Variants in STPG1 observed in about 807,000 individuals in gnomAD.
STPG1 encodes O(6)-methylguanine-induced apoptosis 2.
STPG1 carries 33 observed loss-of-function variants against 40.1 expected under a neutral mutation model. That is an observed-to-expected ratio of 0.82 (90% CI 0.62 to 1.10). The LOEUF is 1.10. Among genes scored for constraint, STPG1 ranks in the 50% least tolerant of loss-of-function variants. The pLI, the probability that STPG1 is intolerant of heterozygous loss-of-function variation, is 0.00. For missense variants in STPG1, 396 were observed against 415.1 expected, an observed-to-expected ratio of 0.95 and a Z score of 0.40; for synonymous variants, 150 against 155.0, an observed-to-expected ratio of 0.97 and a Z score of 0.24.
chr1:24,360,685 C>T (rs1441937880), intron 8 of STPG1, among the ~76,000 whole-genome samples, 166 bp downstream of exon 8: 1 of 152,210 alleles, frequency 6.6e-6, no homozygotes, highest in East Asian at 1.9e-4. Context: ...AAAAACAAAA[C>T]ATTTTTGTAC....
In STPG1 at chr1:24,358,528, C is replaced by T; in HGVS notation, c.*15G>A. On this transcript the variant is annotated 3_prime_UTR_variant, in exon 9 of 9. Transcript: ENST00000337248. ...GGCTGGTGGCTGGAGTTCTCCTTGA[C>T]CTTGTGTGACATCCCTACAGAACCG... 3 of 1,608,836 alleles carry T rather than the reference C, an allele frequency of 1.9e-6. No individual in the cohort carries two copies. The South Asian group carries it at 3.3e-5, about 18-fold the overall frequency.
chr1:24,379,111 C>T (rs563539384), intron 5 of STPG1, among the ~76,000 whole-genome samples: 1 of 152,264 alleles, frequency 6.6e-6, no homozygotes, highest in South Asian at 2.1e-4. Flanking sequence ...AGGGACTTGC[C>T]GAAGGCCGCA....
chr1:24,369,399 C>T (rs1025002283), intron 7 of STPG1: 31 of 579,452 alleles, frequency 5.3e-5, no homozygotes, highest in Admixed American at 8.7e-5. Flanking sequence ...CGAAGCCTTG[C>T]TTCCTCCTCT....
intron 3 of STPG1, among the ~76,000 whole-genome samples, chr1:24,387,830 T>C (rs1192881315): frequency 1.3e-5 from 2 of 152,172 alleles, no homozygotes; most frequent in Non-Finnish European, 2.9e-5. Context: ...GTGGGTCAGA[T>C]ATGCAGCTGA....
At chr1:24,376,561 G>T (rs552841950) in intron 5 of STPG1, among the ~76,000 whole-genome samples, 3 of 152,196 alleles carry the variant, frequency 2.0e-5, no homozygotes, top group African/African-American at 7.2e-5. Flanking sequence ...CATACTACTG[G>T]AAAGTTATTC....
At position 24,357,917 on chromosome 1, in the gene STPG1, C is replaced by T. The variant is rs1023544613; in HGVS notation, c.*626G>A. On this transcript the variant is annotated 3_prime_UTR_variant, in exon 9 of 9. Coordinates refer to ENST00000337248, the MANE Select transcript of STPG1 (RefSeq NM_001199013.2). Reference sequence around the variant, plus strand: ...GCCACTGCCATTCCAAGATGATCTCCCACTCCAAAGAGAAAAAGGTCTAAA... The same window carrying T: ...GCCACTGCCATTCCAAGATGATCTCTCACTCCAAAGAGAAAAAGGTCTAAA... 7.4e-5 allele frequency: 24 copies of T among 325,088 alleles called. No individual in the cohort carries two copies. Among genetic ancestry groups the T allele is most frequent in the South Asian group, 6.0e-4 (23 of 38,504 alleles). 20.1% of individuals were successfully genotyped at this position (325,088 alleles called of 1,614,324 possible).
chr1:24,364,419 G>A, intron 7 of STPG1: 1 of 1,490,006 alleles, frequency 6.7e-7, no homozygotes, highest in Non-Finnish European at 8.9e-7. Context: ...GGTCACATCT[G>A]AGAGCTCTCA....
intron 3 of STPG1, among the ~76,000 whole-genome samples, chr1:24,386,496 C>T (rs900788614): frequency 4.1e-4 from 62 of 152,180 alleles, no homozygotes; most frequent in African/African-American, 1.5e-3. Context: ...AAGTTGGCCA[C>T]GGTGGCAGTA....
chr1:24,388,781 C>A (rs1024628311), intron 3 of STPG1, among the ~76,000 whole-genome samples: 4 of 152,174 alleles, frequency 2.6e-5, no homozygotes, highest in African/African-American at 9.7e-5. Context: ...TTTAACTTCT[C>A]AATGGCCATT....
At chr1:24,370,741 TCGGC>T (rs1641699206) in intron 6 of STPG1, among the ~76,000 whole-genome samples, 1 of 151,918 alleles carries the variant, frequency 6.6e-6, no homozygotes, top group Non-Finnish European at 1.5e-5. Flanking sequence ...TCCGCCTGCC[TCGGC>T]CTCCCAAAGT....
rs567005357 is a variant in STPG1 at position 24,381,503 on chromosome 1, A to G, written c.292-1680T>C. Among the ~76,000 whole-genome samples, 3 of 152,320 alleles carry G rather than the reference A, an allele frequency of 2.0e-5. No individual in the cohort carries two copies. In the South Asian group the frequency reaches 6.2e-4, roughly 32 times the overall value. ...TAGAGCCACTCCTGCCAGCATGCAA[A>G]TACAGAGAGGCCATCAAACTCTCCA... On this transcript the variant is annotated intron_variant, in intron 4 of 8. Transcript: ENST00000337248.
At chr1:24,362,146 A>C (rs1016058300) in intron 7 of STPG1, among the ~76,000 whole-genome samples, 3 of 152,190 alleles carry the variant, frequency 2.0e-5, no homozygotes, top group Non-Finnish European at 4.4e-5. Context: ...ATCCAAGCAA[A>C]GGAGGGGACT....
chr1:24,380,852 C>T (rs1487109641), intron 4 of STPG1, among the ~76,000 whole-genome samples: 1 of 152,198 alleles, frequency 6.6e-6, no homozygotes, highest in Non-Finnish European at 1.5e-5. Flanking sequence ...TGATCTGTTC[C>T]TTGAGTATCC....
intron 1 of STPG1, among the ~76,000 whole-genome samples, chr1:24,405,977 G>A (rs1330605961): frequency 6.6e-6 from 1 of 151,968 alleles, no homozygotes; most frequent in Non-Finnish European, 1.5e-5. Flanking sequence ...ATTTAGAGAT[G>A]GTTTTTTAAA....
At chr1:24,374,076 C>T (rs930113920) in intron 5 of STPG1, among the ~76,000 whole-genome samples, 4 of 151,970 alleles carry the variant, frequency 2.6e-5, no homozygotes, top group African/African-American at 9.7e-5. Flanking sequence ...AGGGTGGCTT[C>T]CAGGCTCACT....
In STPG1 at chr1:24,362,684, G is replaced by A. The variant is rs574750615; in HGVS notation, c.738-1643C>T. Among the ~76,000 whole-genome samples the A allele has an allele frequency of 6.6e-4, 101 of 152,270 alleles. 1 individual carries two copies. The Middle Eastern group carries it at 0.01, about 15-fold the overall frequency. The stretch of plus-strand genomic sequence containing the variant: ...GGTGACAGACAGGCAACTGAGCCTC[G>A]TAAAAGACTGACAGGGCCCTTCCAC... On this transcript the variant is annotated intron_variant, in intron 7 of 8. Transcript: ENST00000337248.
At chr1:24,400,842 C>T (rs1643194656) in intron 2 of STPG1, among the ~76,000 whole-genome samples, 1 of 152,166 alleles carries the variant, frequency 6.6e-6, no homozygotes, top group South Asian at 2.1e-4. Context: ...CCTCCCCACC[C>T]CAACCCAGCC....
intron 1 of STPG1, among the ~76,000 whole-genome samples, chr1:24,407,472 C>A (rs541190208): frequency 6.7e-6 from 1 of 148,770 alleles, no homozygotes; most frequent in African/African-American, 2.5e-5. Flanking sequence ...GACGGAGTCC[C>A]GCTCTGTCAC....
Position 24,369,852 on chromosome 1 carries a change from A to G in STPG1, c.572-13T>C. 1 of 1,576,648 alleles carries G rather than the reference A, an allele frequency of 6.3e-7. No individual in the cohort carries two copies. Among genetic ancestry groups the G allele is most frequent in the Non-Finnish European group, 8.6e-7 (1 of 1,158,886 alleles). On this transcript the variant is annotated splice_polypyrimidine_tract_variant and intron_variant, in intron 6 of 8. Transcript: ENST00000337248. ...ATATCATAATGCCCTAAGGAGAAAG[A>G]AATTTTAGGACAGAATAAGGAACTC...
Sources: allele counts gnomAD v4.1 joint callset (sites outside exome capture counted in the v4.1 genomes callset), GRCh38; gene constraint gnomAD v4.1.1; transcripts MANE v1.5; gene names NCBI Gene and HGNC (gene_info 2026-07-23, HGNC 2026-07-21).